Variants in PCSK2 observed in about 807,000 individuals in gnomAD.
PCSK2 encodes the protein neuroendocrine convertase 2.
A neutral mutation model predicts 69.7 loss-of-function variants in PCSK2; 14 were observed. That is an observed-to-expected ratio of 0.20 (90% CI 0.13 to 0.31). PCSK2 has a LOEUF of 0.31. Ranked by LOEUF, PCSK2 falls within the 10% of genes least tolerant of loss-of-function variation. The pLI, the probability that PCSK2 is intolerant of heterozygous loss-of-function variation, is 1.00. For synonymous variants in PCSK2, 307 were observed against 320.7 expected (o/e 0.96, Z 0.46); for missense variants, 544 against 842.5 (o/e 0.65, Z 4.39).
chr20:17,303,193 A>G (rs1989144383), intron 2 of PCSK2, among the ~76,000 whole-genome samples: 1 of 144,126 alleles, frequency 6.9e-6, no homozygotes, highest in African/African-American at 2.5e-5. Flanking sequence ...TAATATATAT[A>G]TTTATATTAT....
At chr20:17,473,410 A>G (rs772160967) in intron 11 of PCSK2, among the ~76,000 whole-genome samples, 3 of 152,164 alleles carry the variant, frequency 2.0e-5, no homozygotes, top group Non-Finnish European at 4.4e-5. Context: ...TTAAACCTCC[A>G]GAAAGCATGC....
intron 2 of PCSK2, among the ~76,000 whole-genome samples, chr20:17,337,537 C>T (rs1990387622): frequency 6.6e-6 from 1 of 152,142 alleles, no homozygotes; most frequent in East Asian, 1.9e-4. Context: ...ATAAAATTGG[C>T]TTTTCTATCC....
chr20:17,332,210 G>C (rs1990224778), intron 2 of PCSK2, among the ~76,000 whole-genome samples: 2 of 152,060 alleles, frequency 1.3e-5, no homozygotes, highest in Admixed American at 1.3e-4. Context: ...GCTGATCTAG[G>C]GTGGACTCAG....
intron 10 of PCSK2, among the ~76,000 whole-genome samples, chr20:17,462,952 T>C (rs1409986235): frequency 6.6e-6 from 1 of 152,178 alleles, no homozygotes; most frequent in Non-Finnish European, 1.5e-5. Flanking sequence ...AATATTGTAG[T>C]CTGTCAATTC....
chr20:17,397,315 A>G (rs948433834), intron 5 of PCSK2, among the ~76,000 whole-genome samples: 1 of 152,182 alleles, frequency 6.6e-6, no homozygotes, highest in African/African-American at 2.4e-5. Context: ...TTTAAAATTA[A>G]AAATTTGAAA....
intron 2 of PCSK2, among the ~76,000 whole-genome samples, chr20:17,282,353 C>T (rs149953703): frequency 5.3e-5 from 8 of 152,194 alleles, no homozygotes; most frequent in African/African-American, 1.9e-4. Flanking sequence ...AGGGAGAAGA[C>T]ATGGGAAGTG....
chr20:17,407,168 T>C (rs1211064782), intron 5 of PCSK2, among the ~76,000 whole-genome samples: 1 of 152,066 alleles, frequency 6.6e-6, no homozygotes. Flanking sequence ...ACAGGGGCAT[T>C]TCTGATCTGC....
chr20:17,398,523 CAAA>C (rs36062712), intron 5 of PCSK2, among the ~76,000 whole-genome samples: 36 of 85,208 alleles, frequency 4.2e-4, no homozygotes, highest in African/African-American at 1.1e-3. Context: ...GATCCTGTCT[CAAA>C]AAAAAAAAAA....
intron 4 of PCSK2, among the ~76,000 whole-genome samples, chr20:17,365,164 A>G (rs1270446731): frequency 6.6e-6 from 1 of 152,176 alleles, no homozygotes; most frequent in African/African-American, 2.4e-5. Flanking sequence ...AGTATCTGAT[A>G]AAGGCTTGCT....
rs79440538 is a variant in PCSK2, at chr20:17,311,208, A to C, written c.283-47119A>C. Reference sequence around the variant, plus strand: ...ATGAAACCTTCTGCTTATAAGAAAAAATGTTAGTTTCTATTCTGCATTGTA... The same window carrying C: ...ATGAAACCTTCTGCTTATAAGAAAACATGTTAGTTTCTATTCTGCATTGTA... On this transcript the variant is annotated intron_variant, in intron 2 of 11. Transcript: ENST00000262545. Among the ~76,000 whole-genome samples the C allele has an allele frequency of 1.8e-4, 28 of 152,234 alleles. No individual in the cohort carries two copies. The East Asian group carries it at 5.2e-3, about 28-fold the overall frequency.
intron 6 of PCSK2, among the ~76,000 whole-genome samples, chr20:17,411,508 G>A (rs1488920988): frequency 6.6e-6 from 1 of 152,218 alleles, no homozygotes; most frequent in African/African-American, 2.4e-5. Flanking sequence ...AAAAAAAGCG[G>A]CCAGGAAGCT....
intron 11 of PCSK2, among the ~76,000 whole-genome samples, chr20:17,475,853 T>G (rs1304967961): frequency 6.6e-6 from 1 of 152,222 alleles, no homozygotes; most frequent in East Asian, 1.9e-4. Flanking sequence ...GGTTGTTGGC[T>G]TGTGAATTTC....
chr20:17,331,087 T>C (rs139918573), intron 2 of PCSK2, among the ~76,000 whole-genome samples: 23 of 152,200 alleles, frequency 1.5e-4, no homozygotes, highest in African/African-American at 4.6e-4. Flanking sequence ...GAGATGGGGA[T>C]TGAAAATGTT....
intron 7 of PCSK2, among the ~76,000 whole-genome samples, chr20:17,429,931 G>T (rs2032329701): frequency 6.6e-6 from 1 of 152,034 alleles, no homozygotes; most frequent in African/African-American, 2.4e-5. Flanking sequence ...AAATAGAATT[G>T]TCAGTCACTA....
At chr20:17,438,909 C>A (rs2032540956) in intron 8 of PCSK2, among the ~76,000 whole-genome samples, 1 of 152,314 alleles carries the variant, frequency 6.6e-6, no homozygotes, top group Admixed American at 6.5e-5. Context: ...TCCTTCCCCT[C>A]TGTATCTTAC....
In PCSK2 at chr20:17,227,398, G is replaced by T. The variant is rs775161844; in HGVS notation, c.93G>T (p.Thr31=). ...VFASAERPVF[T]NHFLVELHKG... ...CATCTGCTGAGCGACCGGTCTTCAC[G>T]AATCATTTTCTTGTGGAGTTGCATA... The change falls in exon 1 of 12, where the codon ACG becomes ACT. Residue 31 remains threonine, a synonymous_variant. Coordinates refer to ENST00000262545, the MANE Select transcript of PCSK2 (RefSeq NM_002594.5). The T allele has an allele frequency of 4.3e-6, 7 of 1,613,836 alleles. No homozygotes were observed. The highest frequency in any genetic ancestry group is 5.1e-6 in the Non-Finnish European group (6 of 1,179,872).
intron 11 of PCSK2, among the ~76,000 whole-genome samples, chr20:17,471,204 A>G (rs1208488178): frequency 6.6e-6 from 1 of 152,238 alleles, no homozygotes; most frequent in Non-Finnish European, 1.5e-5. Context: ...TATGCTTAGC[A>G]TTCCATCATA....
chr20:17,389,580 C>T (rs937546737), intron 5 of PCSK2, among the ~76,000 whole-genome samples: 1 of 152,124 alleles, frequency 6.6e-6, no homozygotes, highest in Non-Finnish European at 1.5e-5. Flanking sequence ...GCTTCAGGGA[C>T]CATCGGCTAA....
At position 17,436,901 on chromosome 20, in the gene PCSK2, C is replaced by A; in HGVS notation, c.885+18C>A. Reference sequence around the variant, plus strand: ...TGAACAAGGTAAGGGGGCCGGCCCCCTAGGCCCCGGCCACTCACAAGTTGG... The same window carrying A: ...TGAACAAGGTAAGGGGGCCGGCCCCATAGGCCCCGGCCACTCACAAGTTGG... On this transcript the variant is annotated intron_variant, in intron 8 of 11. Coordinates refer to ENST00000262545, the MANE Select transcript of PCSK2 (RefSeq NM_002594.5). The A allele has an allele frequency of 6.3e-7, 1 of 1,581,510 alleles. No individual in the cohort carries two copies. Among genetic ancestry groups the A allele is most frequent in the Non-Finnish European group, 8.6e-7 (1 of 1,165,420 alleles).
Sources: gnomAD v4.1 joint callset for allele counts (sites outside exome capture counted in the v4.1 genomes callset) on GRCh38, gnomAD v4.1.1 for gene constraint, MANE v1.5 for transcripts, NCBI Gene and HGNC (gene_info 2026-07-23, HGNC 2026-07-21) for gene names.